ITGB3: variants seen among roughly 807,000 people sequenced by gnomAD.
ITGB3 encodes integrin beta-3.
ITGB3 carries 48 observed loss-of-function variants against 85.8 expected under a neutral mutation model. The ratio of observed to expected loss-of-function variants is 0.56; its 90% CI spans 0.44 to 0.71. The LOEUF is 0.71. Ranked by LOEUF, ITGB3 falls within the 30% of genes least tolerant of loss-of-function variation. ITGB3 has a pLI of 0.00. For missense variants in ITGB3, 861 were observed against 1,019.1 expected (o/e 0.84, Z 2.11); for synonymous variants, 363 against 395.6 (o/e 0.92, Z 0.98).
chr17:47,287,738 G>A (rs188400895), intron 6 of ITGB3, among the ~76,000 whole-genome samples: 2 of 152,118 alleles, frequency 1.3e-5, no homozygotes, highest in Admixed American at 6.5e-5. Flanking sequence ...GTGAGACCCT[G>A]CCTCTACAAG....
intron 13 of ITGB3, 40 bp downstream of exon 13, chr17:47,302,880 G>A: frequency 6.2e-7 from 1 of 1,612,390 alleles, no homozygotes; most frequent in Non-Finnish European, 8.5e-7. Context: ...GCCCCAGGAG[G>A]GAGAGGGAGA....
chr17:47,288,707 T>C (rs2065113815), intron 6 of ITGB3, among the ~76,000 whole-genome samples: 1 of 152,146 alleles, frequency 6.6e-6, no homozygotes, highest in Non-Finnish European at 1.5e-5. Flanking sequence ...TACCAGACAA[T>C]GAGTCAGCAA....
intron 2 of ITGB3, 67 bp downstream of exon 2, chr17:47,274,571 A>G (rs184077690): frequency 1.5e-6 from 2 of 1,378,004 alleles, no homozygotes; most frequent in African/African-American, 2.8e-5. Flanking sequence ...AAACAGACCC[A>G]TGAAGTTATC....
intron 2 of ITGB3, among the ~76,000 whole-genome samples, chr17:47,275,654 G>T (rs1422518099): frequency 1.3e-5 from 2 of 152,210 alleles, no homozygotes; most frequent in African/African-American, 2.4e-5. Flanking sequence ...CTGGCCGCCT[G>T]GGGGGAGGGG....
At chr17:47,263,745 C>G (rs572358161) in intron 1 of ITGB3, among the ~76,000 whole-genome samples, 2 of 152,158 alleles carry the variant, frequency 1.3e-5, no homozygotes, top group Admixed American at 1.3e-4. Context: ...CCGCCTTGGC[C>G]TCCCACAGTG....
intron 2 of ITGB3, among the ~76,000 whole-genome samples, chr17:47,275,545 C>T (rs2065060580): frequency 2.0e-5 from 3 of 152,208 alleles, no homozygotes; most frequent in African/African-American, 7.2e-5. Flanking sequence ...CACAACAAGT[C>T]CCAGCCCTCT....
chr17:47,293,446 T>C (rs1219530941), intron 10 of ITGB3, among the ~76,000 whole-genome samples: 1 of 152,192 alleles, frequency 6.6e-6, no homozygotes, highest in Non-Finnish European at 1.5e-5. Context: ...CCTGGGGCAC[T>C]GAGGATGGGT....
At chr17:47,271,337 T>C (rs1181308710) in intron 1 of ITGB3, among the ~76,000 whole-genome samples, 1 of 152,214 alleles carries the variant, frequency 6.6e-6, no homozygotes, top group Non-Finnish European at 1.5e-5. Context: ...TTAACAGAGT[T>C]AAAAGTATGA....
At position 47,292,520 on chromosome 17, in the gene ITGB3, G is replaced by T; in HGVS notation, c.1642G>T (p.Glu548Ter). 2.5e-6 allele frequency: 4 copies of T among 1,605,102 alleles called. No individual in the cohort carries two copies. Among genetic ancestry groups the T allele is most frequent in the South Asian group, 1.1e-5 (1 of 91,074 alleles). Residue 548 changes from glutamate (E) to a stop codon, truncating the protein, a stop_gained, in exon 10 of 15, where the codon GAG becomes TAG. Coordinates refer to ENST00000559488, the MANE Select transcript of ITGB3 (RefSeq NM_000212.3). LOFTEE classifies it high-confidence loss of function. ...TGGCAAGATCACGGGCAAGTACTGCGAGTGTGACGACTTCTCCTGTGTCCG... is the reference window on the plus strand; with the variant it reads ...TGGCAAGATCACGGGCAAGTACTGCTAGTGTGACGACTTCTCCTGTGTCCG... ...DFGKITGKYC[E>*]CDDFSCVRYK...
intron 1 of ITGB3, among the ~76,000 whole-genome samples, chr17:47,257,677 T>C (rs1478017461): frequency 6.6e-6 from 1 of 152,248 alleles, no homozygotes; most frequent in Non-Finnish European, 1.5e-5. Flanking sequence ...GCCAAGATCA[T>C]GAATTCTTTG....
chr17:47,272,741 T>G (rs1429249679), intron 1 of ITGB3, among the ~76,000 whole-genome samples: 1 of 150,222 alleles, frequency 6.7e-6, no homozygotes, highest in Non-Finnish European at 1.5e-5. Flanking sequence ...CTTTCTTTTC[T>G]TTCTTTCTCT....
chr17:47,299,328 G>C lies in ITGB3; in HGVS notation c.1711G>C (p.Gly571Arg). The C allele has an allele frequency of 6.2e-7, 1 of 1,614,080 alleles. No homozygotes were observed. The highest frequency in any genetic ancestry group is 8.5e-7 in the Non-Finnish European group (1 of 1,180,032). Residue 571 changes from glycine (G) to arginine (R), a missense_variant, in exon 11 of 15, where the codon GGG becomes CGG. Coordinates refer to ENST00000559488, the MANE Select transcript of ITGB3 (RefSeq NM_000212.3). The surrounding 1 kb of genome is among the most constrained non-coding windows in gnomAD (Gnocchi z 5.1). The part of the protein sequence containing the change: ...MCSGHGQCSC[G>R]DCLCDSDWTG... Reference sequence around the variant, plus strand: ...TTCAGGCCATGGCCAGTGCAGCTGTGGGGACTGCCTGTGTGACTCCGACTG... The same window carrying C: ...TTCAGGCCATGGCCAGTGCAGCTGTCGGGACTGCCTGTGTGACTCCGACTG...
chr17:47,292,086 GGA>G, intron 9 of ITGB3, 51 bp from the exon 10 acceptor site: 1 of 1,582,940 alleles, frequency 6.3e-7, no homozygotes, highest in South Asian at 1.1e-5. Flanking sequence ...CTCCAGAGCT[GGA>G]GTGTTAACTG....
chr17:47,253,983 A>C (rs1807138783), intron 1 of ITGB3, 43 bp downstream of exon 1: 1 of 1,264,844 alleles, frequency 7.9e-7, no homozygotes, highest in East Asian at 3.1e-5. Context: ...CTGCCCCAGG[A>C]TCTGCGCCCC....
At chr17:47,270,436 GC>G (rs1231274560) in intron 1 of ITGB3, among the ~76,000 whole-genome samples, 1 of 152,232 alleles carries the variant, frequency 6.6e-6, no homozygotes, top group Admixed American at 6.5e-5. Context: ...GTCCACATCT[GC>G]CTGGGAAGAG....
At chr17:47,275,856 AG>A (rs1268426637) in intron 2 of ITGB3, among the ~76,000 whole-genome samples, 6 of 152,112 alleles carry the variant, frequency 3.9e-5, no homozygotes, top group Admixed American at 2.6e-4. Flanking sequence ...AAGGGGTGTA[AG>A]GGGGGCATGG....
intron 1 of ITGB3, among the ~76,000 whole-genome samples, chr17:47,256,150 G>A (rs79365555): frequency 4.6e-5 from 7 of 152,058 alleles, no homozygotes; most frequent in African/African-American, 1.4e-4. Context: ...ATTGACATAC[G>A]TAAGTTTGCA....
intron 1 of ITGB3, among the ~76,000 whole-genome samples, chr17:47,257,712 C>T (rs1474041852): frequency 6.6e-6 from 1 of 152,206 alleles, no homozygotes; most frequent in African/African-American, 2.4e-5. Context: ...TGCACTGTTG[C>T]ACCATTTAGA....
At chr17:47,280,938 A>G (rs985790550) in intron 2 of ITGB3, among the ~76,000 whole-genome samples, 5 of 152,142 alleles carry the variant, frequency 3.3e-5, no homozygotes, top group African/African-American at 1.2e-4. Context: ...CAGTCAGACA[A>G]TCTAGCTGGC....
Sources: gnomAD v4.1 joint callset for allele counts (sites outside exome capture counted in the v4.1 genomes callset) on GRCh38, gnomAD v4.1.1 for gene constraint, Gnocchi (gnomAD v3.1) non-coding constraint, MANE v1.5 for transcripts, NCBI Gene and HGNC (gene_info 2026-07-23, HGNC 2026-07-21) for gene names.